Variants in SLC25A26 observed in about 807,000 individuals in gnomAD.
SLC25A26 encodes the protein solute carrier family 25 member 26.
A neutral mutation model predicts 37.8 loss-of-function variants in SLC25A26; 36 were observed. That is an observed-to-expected ratio of 0.95 (90% confidence interval 0.73 to 1.26). The LOEUF is 1.26. Ranked by LOEUF, SLC25A26 falls within the 50% of genes most tolerant of loss-of-function variation. The pLI is 0.00. For missense variants in SLC25A26, 390 were observed against 331.1 expected, an observed-to-expected ratio of 1.18 and a Z score of -1.38; for synonymous variants, 129 against 122.5, an observed-to-expected ratio of 1.05 and a Z score of -0.35.
chr3:66,192,917 T>C (rs1038732465), intron 1 of SLC25A26, among the ~76,000 whole-genome samples: 8 of 152,164 alleles, frequency 5.3e-5, no homozygotes, highest in Non-Finnish European at 7.4e-5. Flanking sequence ...AGGCAGTTTT[T>C]TACTTTCTAT....
chr3:66,275,144 C>T (rs948279776), intron 5 of SLC25A26, among the ~76,000 whole-genome samples: 8 of 151,058 alleles, frequency 5.3e-5, no homozygotes, highest in African/African-American at 1.7e-4. Flanking sequence ...AGTAAACTAT[C>T]GCAAGGACAA....
intron 3 of SLC25A26, among the ~76,000 whole-genome samples, chr3:66,250,565 G>A (rs1011858042): frequency 2.0e-5 from 3 of 152,284 alleles, no homozygotes; most frequent in Middle Eastern, 3.4e-3. Context: ...AGCTGTGCTG[G>A]TGTAAGTATT....
intron 5 of SLC25A26, among the ~76,000 whole-genome samples, chr3:66,329,267 A>T (rs2075913674): frequency 6.6e-6 from 1 of 151,950 alleles, no homozygotes; most frequent in African/African-American, 2.4e-5. Context: ...CTCCTCTTGG[A>T]GTCTCTCTGT....
intron 1 of SLC25A26, among the ~76,000 whole-genome samples, chr3:66,137,658 T>C (rs1451837598): frequency 2.0e-5 from 3 of 152,158 alleles, no homozygotes; most frequent in African/African-American, 4.8e-5. Flanking sequence ...AGAGTCATTG[T>C]GAGAAGGGAA....
chr3:66,237,982 C>G (rs147803761), intron 2 of SLC25A26, among the ~76,000 whole-genome samples: 16 of 152,298 alleles, frequency 1.1e-4, no homozygotes, highest in East Asian at 5.8e-4. Context: ...CTGCCCTTCC[C>G]CATCCCCCAG....
rs142613822 is a variant in SLC25A26 at position 66,230,530 on chromosome 3, G to T, written c.34-6014G>T. Among the ~76,000 whole-genome samples the T allele has an allele frequency of 1.4e-3, 207 of 151,998 alleles. 2 individuals carry two copies. In the East Asian group the frequency reaches 0.032, roughly 23 times the overall value. On this transcript the variant is annotated intron_variant, in intron 1 of 9. Transcript: ENST00000354883. ...ATAAGAAGGGAATTTTAGGCCGGGC[G>T]TGGTGGCTTATGCCTGTAATCCCAG...
intron 1 of SLC25A26, among the ~76,000 whole-genome samples, chr3:66,181,372 G>A (rs771976244): frequency 6.6e-6 from 1 of 152,282 alleles, no homozygotes; most frequent in South Asian, 2.1e-4. Context: ...TCATCTGTAG[G>A]AGAGTAACAA....
intron 1 of SLC25A26, among the ~76,000 whole-genome samples, chr3:66,170,197 G>A (rs1458940794): frequency 1.3e-5 from 2 of 152,188 alleles, no homozygotes; most frequent in African/African-American, 4.8e-5. Context: ...GTTTGTGTAA[G>A]ATATGCAAAA....
intron 1 of SLC25A26, among the ~76,000 whole-genome samples, chr3:66,162,069 C>T (rs1038945706): frequency 3.9e-5 from 6 of 152,118 alleles, no homozygotes; most frequent in Non-Finnish European, 7.4e-5. Flanking sequence ...GCCTAGAAGT[C>T]GGAGATCAAG....
At chr3:66,181,914 A>G (rs1224925719) in intron 1 of SLC25A26, among the ~76,000 whole-genome samples, 1 of 150,234 alleles carries the variant, frequency 6.7e-6, no homozygotes, top group Non-Finnish European at 1.5e-5. Context: ...GTGTGTGTGC[A>G]TGAGCAAGCC....
At chr3:66,193,317 A>C (rs2070981126) in intron 1 of SLC25A26, among the ~76,000 whole-genome samples, 1 of 152,164 alleles carries the variant, frequency 6.6e-6, no homozygotes, top group African/African-American at 2.4e-5. Flanking sequence ...GCATGAGGTG[A>C]CTTATTTTAT....
intron 1 of SLC25A26, among the ~76,000 whole-genome samples, chr3:66,226,306 C>G (rs2071747692): frequency 6.6e-6 from 1 of 152,144 alleles, no homozygotes; most frequent in Non-Finnish European, 1.5e-5. Flanking sequence ...ATGAGATCAT[C>G]AGATCTTGTG....
chr3:66,359,889 A>G (rs2076659143), intron 6 of SLC25A26, among the ~76,000 whole-genome samples: 1 of 152,228 alleles, frequency 6.6e-6, no homozygotes, highest in African/African-American at 2.4e-5. Context: ...TGCTTTCACA[A>G]GTAAGGTGAT....
At chr3:66,208,447 G>A (rs1200868505) in intron 1 of SLC25A26, among the ~76,000 whole-genome samples, 1 of 151,816 alleles carries the variant, frequency 6.6e-6, no homozygotes, top group Non-Finnish European at 1.5e-5. Context: ...ATTGCCACAT[G>A]GATTTCACAT....
At chr3:66,240,747 CT>C (rs782761312) in intron 2 of SLC25A26, among the ~76,000 whole-genome samples, 116 of 129,114 alleles carry the variant, frequency 9.0e-4, no homozygotes, top group African/African-American at 1.4e-3. Context: ...CTTTTCTTTT[CT>C]TTTTTTTTTT....
chr3:66,222,182 A>ATT lies in SLC25A26; in HGVS notation c.33+1071_33+1072dup, dbSNP rs373274771. ...GAAATATAAAGAAATAATGTTACTG[A>ATT]TTTTTTTTTTTTTTTTTGAGAAGGA... On this transcript the variant is annotated intron_variant, in intron 1 of 9. Coordinates refer to ENST00000354883, the MANE Select transcript of SLC25A26 (RefSeq NM_001379210.1). 8.2e-3 allele frequency among the ~76,000 whole-genome samples: 1,149 copies of ATT among 139,808 alleles called. 13 individuals are homozygous for ATT. Among genetic ancestry groups the ATT allele is most frequent in the African/African-American group, 0.026 (1,000 of 37,950 alleles). 91.7% of individuals were successfully genotyped at this position (139,808 alleles called of 152,430 possible).
chr3:66,350,727 C>T (rs1024862595), intron 6 of SLC25A26, among the ~76,000 whole-genome samples: 3 of 152,000 alleles, frequency 2.0e-5, no homozygotes, highest in Non-Finnish European at 2.9e-5. Context: ...CGCGCGCGTG[C>T]GCGCACACCC....
intron 1 of SLC25A26, among the ~76,000 whole-genome samples, chr3:66,214,567 C>T (rs1290078232): frequency 6.6e-6 from 1 of 152,094 alleles, no homozygotes; most frequent in African/African-American, 2.4e-5. Context: ...TTCGATGTTA[C>T]TAATGAATTG....
At chr3:66,274,889 T>A (rs1559643732) in intron 5 of SLC25A26, among the ~76,000 whole-genome samples, 1 of 152,042 alleles carries the variant, frequency 6.6e-6, no homozygotes, top group Non-Finnish European at 1.5e-5. Context: ...GACCCAGCCA[T>A]CCCATTACTA....
Sources: allele counts gnomAD v4.1 joint callset (sites outside exome capture counted in the v4.1 genomes callset), GRCh38; gene constraint gnomAD v4.1.1; transcripts MANE v1.5; gene names NCBI Gene and HGNC (gene_info 2026-07-23, HGNC 2026-07-21).